PFDN1: variants seen among roughly 807,000 people sequenced by gnomAD.
PFDN1 encodes the protein prefoldin subunit 1.
PFDN1 carries 6 observed loss-of-function variants against 17.3 expected under a neutral mutation model. The ratio of observed to expected loss-of-function variants is 0.35; its 90% CI spans 0.19 to 0.69. PFDN1 has a LOEUF of 0.69. PFDN1 is among the 30% of genes least tolerant of loss of function. The pLI is 0.65. For synonymous variants in PFDN1, 58 were observed against 50.1 expected, an observed-to-expected ratio of 1.16 and a Z score of -0.67; for missense variants, 113 against 146.2, an observed-to-expected ratio of 0.77 and a Z score of 1.17.
intron 3 of PFDN1, among the ~76,000 whole-genome samples, chr5:140,280,014 C>CCAAAAAAAAA (rs1335205089): frequency 5.0e-5 from 5 of 99,102 alleles, no homozygotes; most frequent in African/African-American, 2.0e-4. Context: ...AAAAAAAAAA[C>CCAAAAAAAAA]AAAAAAAGAA....
chr5:140,279,841 C>G (rs981106016), intron 3 of PFDN1, among the ~76,000 whole-genome samples: 6 of 151,218 alleles, frequency 4.0e-5, no homozygotes, highest in African/African-American at 1.5e-4. Context: ...ACTAAAAACA[C>G]AAAATTAGCA....
intron 3 of PFDN1, among the ~76,000 whole-genome samples, chr5:140,270,003 G>GT (rs1457982769): frequency 1.3e-5 from 2 of 152,186 alleles, no homozygotes; most frequent in Non-Finnish European, 2.9e-5. Flanking sequence ...GAGCTGATGT[G>GT]TAGCATGCTT....
chr5:140,285,248 A>ATCT (rs1765468010), intron 2 of PFDN1, among the ~76,000 whole-genome samples: 1 of 151,786 alleles, frequency 6.6e-6, no homozygotes, highest in African/African-American at 2.4e-5. Context: ...GAATGAGCCT[A>ATCT]TCTTCAGGAG....
intron 3 of PFDN1, among the ~76,000 whole-genome samples, chr5:140,270,787 G>A (rs6872139): frequency 0.24 from 36,101 of 151,738 alleles, 4,605 homozygotes; most frequent in South Asian, 0.46. Flanking sequence ...TTAGCCGGGC[G>A]TGGTGGCGGG....
At chr5:140,291,344 A>C (rs1248817425) in intron 2 of PFDN1, among the ~76,000 whole-genome samples, 4 of 152,184 alleles carry the variant, frequency 2.6e-5, no homozygotes, top group African/African-American at 9.7e-5. Flanking sequence ...AGTATTTGCT[A>C]ATGAGCTGAA....
intron 3 of PFDN1, among the ~76,000 whole-genome samples, chr5:140,256,478 C>T (rs951050316): frequency 6.6e-6 from 1 of 151,942 alleles, no homozygotes; most frequent in African/African-American, 2.4e-5. Flanking sequence ...CCCCTTAATT[C>T]CAGATTTAAC....
At chr5:140,293,228 T>C (rs1175776253) in intron 2 of PFDN1, 1 of 151,956 alleles carries the variant, frequency 6.6e-6, no homozygotes, top group African/African-American at 2.4e-5. Context: ...TTGCTTATCA[T>C]TGACTGGAAA....
At chr5:140,262,657 T>C (rs1422388363) in intron 3 of PFDN1, 1 of 405,004 alleles carries the variant, frequency 2.5e-6, no homozygotes, top group African/African-American at 2.1e-5. Context: ...GAATACAGGA[T>C]GTATATCAAA....
intron 3 of PFDN1, among the ~76,000 whole-genome samples, chr5:140,261,524 C>A (rs958411298): frequency 1.3e-5 from 2 of 151,998 alleles, no homozygotes; most frequent in Non-Finnish European, 2.9e-5. Context: ...ATAAAAGGAC[C>A]GGGAGACAGT....
chr5:140,256,658 C>CAAAAAAAAAAA (rs757723797), intron 3 of PFDN1, among the ~76,000 whole-genome samples: 34 of 39,878 alleles, frequency 8.5e-4, no homozygotes, highest in African/African-American at 1.1e-3. Context: ...CAAAAAATGA[C>CAAAAAAAAAAA]AAAAAAAAAA....
At chr5:140,251,813 G>A (rs1032325174) in intron 3 of PFDN1, among the ~76,000 whole-genome samples, 1 of 152,076 alleles carries the variant, frequency 6.6e-6, no homozygotes, top group Admixed American at 6.5e-5. Context: ...AGACTGAGGG[G>A]CTGGTGTTTC....
intron 3 of PFDN1, among the ~76,000 whole-genome samples, chr5:140,257,412 T>C (rs1009242769): frequency 6.6e-6 from 1 of 152,122 alleles, no homozygotes; most frequent in African/African-American, 2.4e-5. Flanking sequence ...GACAGGAATA[T>C]CTCTCTGTGT....
chr5:140,260,028 C>T (rs1765040802), intron 3 of PFDN1, among the ~76,000 whole-genome samples: 1 of 151,990 alleles, frequency 6.6e-6, no homozygotes, highest in South Asian at 2.1e-4. Flanking sequence ...ATAGACTATA[C>T]CAACTAGGAT....
intron 2 of PFDN1, among the ~76,000 whole-genome samples, chr5:140,291,374 G>A (rs1765579067): frequency 6.6e-6 from 1 of 152,066 alleles, no homozygotes; most frequent in Admixed American, 6.6e-5. Flanking sequence ...GAAAGAGAGG[G>A]GCCAAGGGTG....
At chr5:140,246,188 G>A (rs980429355) in intron 3 of PFDN1, 131 bp from the exon 4 acceptor site, 2 of 668,138 alleles carry the variant, frequency 3.0e-6, no homozygotes, top group Non-Finnish European at 2.7e-6. Context: ...CTGCAAGCCA[G>A]GTACACACAC....
intron 2 of PFDN1, among the ~76,000 whole-genome samples, chr5:140,298,307 CA>C (rs1227110009): frequency 6.6e-6 from 1 of 152,090 alleles, no homozygotes; most frequent in African/African-American, 2.4e-5. Context: ...TTAAATTTTA[CA>C]CATGTTATTC....
chr5:140,276,780 CAAAAAA>C (rs35889345), intron 3 of PFDN1, among the ~76,000 whole-genome samples: 5 of 46,738 alleles, frequency 1.1e-4, no homozygotes, highest in Non-Finnish European at 1.4e-4. Flanking sequence ...GACACCGTCT[CAAAAAA>C]AAAAAAAAAA....
chr5:140,246,151 TTG>T (rs1764826572), intron 3 of PFDN1, 94 bp from the exon 4 acceptor site: 1 of 793,774 alleles, frequency 1.3e-6, no homozygotes, highest in African/African-American at 1.7e-5. Flanking sequence ...GGCTTTTCCT[TTG>T]TGACAGGCAA....
intron 3 of PFDN1, among the ~76,000 whole-genome samples, chr5:140,275,055 T>C (rs1241579435): frequency 6.7e-6 from 1 of 150,314 alleles, no homozygotes; most frequent in Non-Finnish European, 1.5e-5. Flanking sequence ...GTACAATTCA[T>C]AGGTTCAACA....
Sources: gnomAD v4.1 joint callset for allele counts (sites outside exome capture counted in the v4.1 genomes callset) on GRCh38, gnomAD v4.1.1 for gene constraint, MANE v1.5 for transcripts, NCBI Gene and HGNC (gene_info 2026-07-23, HGNC 2026-07-21) for gene names.